The following SDK1 variants were observed in gnomAD, a reference collection of about 807,000 sequenced individuals.
SDK1 encodes sidekick cell adhesion molecule 1, also known as protein sidekick-1.
SDK1 carries 157 observed loss-of-function variants against 245.5 expected under a neutral mutation model. The ratio of observed to expected loss-of-function variants is 0.64; its 90% CI spans 0.56 to 0.73. The LOEUF is 0.73. Ranked by LOEUF, SDK1 falls within the 30% of genes least tolerant of loss-of-function variation. SDK1 has a pLI of 0.00. For synonymous variants in SDK1, 1,647 were observed against 1,278.5 expected, an observed-to-expected ratio of 1.29 and a Z score of -6.15; for missense variants, 3,583 against 3,002.3, an observed-to-expected ratio of 1.19 and a Z score of -4.52.
intron 1 of SDK1, among the ~76,000 whole-genome samples, chr7:3,596,821 A>G (rs1216491519): frequency 1.3e-5 from 2 of 152,186 alleles, no homozygotes; most frequent in Non-Finnish European, 2.9e-5. Context: ...CTGCCACATC[A>G]TCAGATAACA....
chr7:3,566,734 A>G (rs73037646), intron 1 of SDK1, among the ~76,000 whole-genome samples: 11,438 of 151,912 alleles, frequency 0.075, 635 homozygotes, highest in Non-Finnish European at 0.1. Flanking sequence ...AAAAAAAAAA[A>G]AAAGTGATTG....
chr7:3,690,202 G>A (rs1044188697), intron 4 of SDK1, among the ~76,000 whole-genome samples: 3 of 152,096 alleles, frequency 2.0e-5, no homozygotes, highest in South Asian at 2.1e-4. Context: ...ACCTCATCAC[G>A]ACGCTAATGT....
At chr7:3,941,378 C>T (rs1318929517) in intron 5 of SDK1, among the ~76,000 whole-genome samples, 6 of 152,108 alleles carry the variant, frequency 3.9e-5, no homozygotes, top group Admixed American at 3.9e-4. Context: ...GGCTGCCTCT[C>T]CATTCCCTGA....
intron 14 of SDK1, among the ~76,000 whole-genome samples, chr7:4,002,143 C>T (rs577416485): frequency 3.1e-4 from 47 of 152,346 alleles, no homozygotes; most frequent in South Asian, 6.2e-4. Flanking sequence ...CTTTGCATAA[C>T]GAGTTATTAT....
intron 5 of SDK1, among the ~76,000 whole-genome samples, chr7:3,882,307 C>T (rs1163269539): frequency 1.3e-5 from 2 of 152,112 alleles, no homozygotes; most frequent in Non-Finnish European, 2.9e-5. Flanking sequence ...GCTGTAGAGG[C>T]CCACTTGAAA....
intron 4 of SDK1, among the ~76,000 whole-genome samples, chr7:3,679,430 G>A (rs1257190720): frequency 1.3e-5 from 2 of 152,260 alleles, no homozygotes; most frequent in African/African-American, 4.8e-5. Flanking sequence ...AGCCGGGCGC[G>A]GTGGCGGGCG....
intron 1 of SDK1, among the ~76,000 whole-genome samples, chr7:3,471,536 C>T (rs138041153): frequency 5.3e-5 from 8 of 152,120 alleles, no homozygotes; most frequent in African/African-American, 1.2e-4. Context: ...CAATATGAGC[C>T]GTCAGTTTCG....
intron 4 of SDK1, among the ~76,000 whole-genome samples, chr7:3,779,672 C>G (rs1409381666): frequency 9.9e-5 from 15 of 152,064 alleles, no homozygotes. Context: ...GTGGCTCACG[C>G]CTGTAATCCC....
chr7:3,738,459 C>G (rs572930031), intron 4 of SDK1, among the ~76,000 whole-genome samples: 43 of 152,280 alleles, frequency 2.8e-4, no homozygotes, highest in African/African-American at 9.9e-4. Flanking sequence ...CTCTATAATT[C>G]ATTTTGATAT....
chr7:4,199,280 A>T (rs1049950764), intron 35 of SDK1, among the ~76,000 whole-genome samples: 2 of 152,030 alleles, frequency 1.3e-5, no homozygotes, highest in African/African-American at 4.8e-5. Context: ...TCTTCCTGTG[A>T]TGGGGACTCA....
chr7:3,992,376 G>T (rs1784393941), intron 14 of SDK1, among the ~76,000 whole-genome samples: 1 of 152,180 alleles, frequency 6.6e-6, no homozygotes, highest in Non-Finnish European at 1.5e-5. Context: ...CCTGTCCCAG[G>T]TGCCTGTTTA....
intron 5 of SDK1, among the ~76,000 whole-genome samples, chr7:3,839,889 G>A (rs992890348): frequency 6.6e-6 from 1 of 152,092 alleles, no homozygotes. Flanking sequence ...ATAAAGAAGT[G>A]TAGTACAGTG....
chr7:3,642,082 C>A lies in SDK1; in HGVS notation c.690C>A (p.His230Gln), dbSNP rs200464210. ...AAGTGACTTGGTTTAGAGAAGGGCACAAGATTATTCCAAGCAACAGAATGT... is the reference window on the plus strand; with the variant it reads ...AAGTGACTTGGTTTAGAGAAGGGCAAAAGATTATTCCAAGCAACAGAATGT... ...RPQVTWFREGHKIIPSNRIAI... is the reference protein window; with the variant it reads ...RPQVTWFREGQKIIPSNRIAI... Residue 230 changes from histidine to glutamine, a missense_variant, in exon 4 of 45, where the codon CAC becomes CAA. Coordinates refer to ENST00000404826, the MANE Select transcript of SDK1 (RefSeq NM_152744.4). 3.7e-6 allele frequency: 6 copies of A among 1,614,058 alleles called. No individual in the cohort carries two copies. In the African/African-American group the frequency reaches 5.3e-5, roughly 14 times the overall value.
At chr7:3,791,190 A>C in intron 4 of SDK1, among the ~76,000 whole-genome samples, 1 of 152,084 alleles carries the variant, frequency 6.6e-6, no homozygotes, top group East Asian at 1.9e-4. Flanking sequence ...CTGTACCATT[A>C]AGGGCTGAGA....
intron 1 of SDK1, among the ~76,000 whole-genome samples, chr7:3,609,750 G>C (rs1031298793): frequency 7.4e-6 from 1 of 134,422 alleles, no homozygotes; most frequent in Non-Finnish European, 1.5e-5. Context: ...ACCCAGGCTA[G>C]AGTGCAGTGG....
intron 4 of SDK1, among the ~76,000 whole-genome samples, chr7:3,666,838 G>A (rs1228146269): frequency 6.6e-6 from 1 of 152,080 alleles, no homozygotes; most frequent in Admixed American, 6.5e-5. Flanking sequence ...GGTCTTGCAG[G>A]GTGGAAACGA....
intron 2 of SDK1, among the ~76,000 whole-genome samples, chr7:3,628,584 T>A (rs933677428): frequency 2.0e-5 from 3 of 152,168 alleles, no homozygotes; most frequent in Non-Finnish European, 4.4e-5. Context: ...ACATTCTATA[T>A]GCTGGGATAC....
intron 35 of SDK1, among the ~76,000 whole-genome samples, chr7:4,204,970 C>CGGG (rs1554259474): frequency 1.2e-5 from 1 of 86,668 alleles, no homozygotes. Context: ...TGGTGAGGTG[C>CGGG]GGAGGTGCGG....
At chr7:3,883,536 A>C (rs1463928477) in intron 5 of SDK1, among the ~76,000 whole-genome samples, 3 of 152,216 alleles carry the variant, frequency 2.0e-5, no homozygotes, top group South Asian at 2.1e-4. Context: ...AAATTCATCC[A>C]GTAACCAGGG....
Sources: gnomAD v4.1 joint callset for allele counts (sites outside exome capture counted in the v4.1 genomes callset) on GRCh38, gnomAD v4.1.1 for gene constraint, MANE v1.5 for transcripts, NCBI Gene and HGNC (gene_info 2026-07-23, HGNC 2026-07-21) for gene names.